KIAA1328: variants seen among roughly 807,000 people sequenced by gnomAD.
The protein encoded by KIAA1328 is protein hinderin.
In KIAA1328, 52 loss-of-function variants were observed where a neutral mutation model predicts 68.1. That is an observed-to-expected ratio of 0.76 (90% CI 0.61 to 0.96). The LOEUF is 0.96. KIAA1328 is among the 40% of genes least tolerant of loss of function. KIAA1328 has a pLI of 0.00. For missense variants in KIAA1328, 641 were observed against 677.6 expected, an observed-to-expected ratio of 0.95 and a Z score of 0.60; for synonymous variants, 232 against 239.4, an observed-to-expected ratio of 0.97 and a Z score of 0.28.
intron 3 of KIAA1328, among the ~76,000 whole-genome samples, chr18:36,843,130 TA>T (rs2046913297): frequency 1.3e-5 from 2 of 152,200 alleles, no homozygotes; most frequent in African/African-American, 4.8e-5. Flanking sequence ...CACTGACTTT[TA>T]AATCTTTATG....
intron 8 of KIAA1328, among the ~76,000 whole-genome samples, chr18:37,171,302 C>T (rs1398849139): frequency 6.6e-6 from 1 of 152,110 alleles, no homozygotes; most frequent in East Asian, 1.9e-4. Context: ...GCCTCAACCT[C>T]CTGGGCTCAA....
At chr18:37,130,670 T>C (rs2058501218) in intron 7 of KIAA1328, among the ~76,000 whole-genome samples, 1 of 152,046 alleles carries the variant, frequency 6.6e-6, no homozygotes. Flanking sequence ...TTTTACAAGG[T>C]TTCTGAACTG....
intron 1 of KIAA1328, among the ~76,000 whole-genome samples, chr18:36,830,518 A>T (rs1226448337): frequency 2.6e-5 from 4 of 152,142 alleles, no homozygotes. Flanking sequence ...GATGGAGGAG[A>T]TACTTGAAGG....
At chr18:37,051,971 G>C (rs1440503040) in intron 6 of KIAA1328, among the ~76,000 whole-genome samples, 26 of 151,958 alleles carry the variant, frequency 1.7e-4, no homozygotes, top group Admixed American at 1.7e-3. Context: ...GAAACTAGGA[G>C]GTGGAGGTTG....
At chr18:37,016,820 T>A (rs1392065271) in intron 6 of KIAA1328, among the ~76,000 whole-genome samples, 1 of 152,172 alleles carries the variant, frequency 6.6e-6, no homozygotes, top group Non-Finnish European at 1.5e-5. Flanking sequence ...ATGTCACCTT[T>A]GTTGGTTCTG....
intron 7 of KIAA1328, among the ~76,000 whole-genome samples, chr18:37,156,310 C>T (rs1433640184): frequency 2.6e-5 from 4 of 151,506 alleles, no homozygotes; most frequent in Non-Finnish European, 5.9e-5. Flanking sequence ...CCTGTAATCC[C>T]AGCTACTCGG....
chr18:37,133,550 G>T (rs2058573940), intron 7 of KIAA1328, among the ~76,000 whole-genome samples: 1 of 147,338 alleles, frequency 6.8e-6, no homozygotes, highest in Non-Finnish European at 1.5e-5. Flanking sequence ...TTTTGAGACG[G>T]AGTCTCGCTC....
intron 9 of KIAA1328, among the ~76,000 whole-genome samples, chr18:37,180,522 TAGAA>T (rs1599526763): frequency 6.6e-6 from 1 of 152,172 alleles, no homozygotes; most frequent in Non-Finnish European, 1.5e-5. Context: ...TATAACTTGA[TAGAA>T]AGAAACTTAG....
intron 9 of KIAA1328, among the ~76,000 whole-genome samples, chr18:37,217,308 G>A (rs2060463628): frequency 6.6e-6 from 1 of 152,126 alleles, no homozygotes; most frequent in African/African-American, 2.4e-5. Flanking sequence ...GCTGGTACCG[G>A]TTGTTCCTTT....
chr18:37,044,599 C>T (rs554039719), intron 6 of KIAA1328, among the ~76,000 whole-genome samples: 1 of 151,958 alleles, frequency 6.6e-6, no homozygotes, highest in South Asian at 2.1e-4. Context: ...AGTTCAAGAC[C>T]AGCCTGGCCA....
Position 37,087,139 on chromosome 18 carries a change from A to G in KIAA1328, c.1232+19594A>G, listed in dbSNP as rs551946238. Among the ~76,000 whole-genome samples the G allele has an allele frequency of 7.9e-5, 12 of 152,190 alleles. No individual in the cohort carries two copies. The South Asian group carries it at 1.9e-3, about 24-fold the overall frequency. On this transcript the variant is annotated intron_variant, in intron 7 of 9. Transcript: ENST00000280020. ...CAGCGGCACAATCACAGCTCATTGCATTCTTGATCTCCTGGGCTCAGTGAT... is the reference window on the plus strand; with the variant it reads ...CAGCGGCACAATCACAGCTCATTGCGTTCTTGATCTCCTGGGCTCAGTGAT...
chr18:36,841,645 A>G (rs943073323), intron 3 of KIAA1328, among the ~76,000 whole-genome samples: 19 of 152,144 alleles, frequency 1.2e-4, no homozygotes, highest in African/African-American at 3.9e-4. Context: ...GCAGGCTGTA[A>G]CATCTGTCTC....
chr18:37,083,337 G>A (rs1370872537), intron 7 of KIAA1328, among the ~76,000 whole-genome samples: 2 of 152,170 alleles, frequency 1.3e-5, no homozygotes, highest in Non-Finnish European at 2.9e-5. Context: ...CAACCAGTTA[G>A]TTGGAATTAT....
At chr18:36,912,346 CA>C (rs1244869866) in intron 5 of KIAA1328, among the ~76,000 whole-genome samples, 7 of 152,134 alleles carry the variant, frequency 4.6e-5, no homozygotes, top group African/African-American at 1.7e-4. Flanking sequence ...TCAGGCTGCC[CA>C]TATTCCTTGG....
intron 5 of KIAA1328, among the ~76,000 whole-genome samples, chr18:36,949,604 C>CCA (rs2051067572): frequency 1.1e-5 from 1 of 94,688 alleles, no homozygotes; most frequent in Non-Finnish European, 2.0e-5. Context: ...AGCTCCCCCC[C>CCA]CCCCACCCCC....
intron 9 of KIAA1328, among the ~76,000 whole-genome samples, chr18:37,178,220 TC>T (rs2059631499): frequency 6.6e-6 from 1 of 152,092 alleles, no homozygotes; most frequent in African/African-American, 2.4e-5. Context: ...CTCCCACTCT[TC>T]CTAGCCTCTA....
rs560812101 is a variant in KIAA1328 at position 36,979,812 on chromosome 18, A to G, written c.576+20377A>G. On this transcript the variant is annotated intron_variant, in intron 6 of 9. Transcript: ENST00000280020. Reference sequence around the variant, plus strand: ...ACTTTACTCAAAGAAAGGAGAAGAGACTCAGCAAGATCACTGTCTATAGTG... The same window carrying G: ...ACTTTACTCAAAGAAAGGAGAAGAGGCTCAGCAAGATCACTGTCTATAGTG... 1.8e-4 allele frequency among the ~76,000 whole-genome samples: 28 copies of G among 152,208 alleles called. No individual in the cohort carries two copies. The South Asian group carries it at 5.8e-3, about 32-fold the overall frequency.
intron 4 of KIAA1328, among the ~76,000 whole-genome samples, chr18:36,880,481 TTTC>T (rs2048294253): frequency 2.0e-5 from 3 of 152,300 alleles, no homozygotes; most frequent in African/African-American, 7.2e-5. Flanking sequence ...TGCCTGGAGA[TTTC>T]TTAATATTTT....
intron 6 of KIAA1328, among the ~76,000 whole-genome samples, chr18:36,994,995 T>C (rs1388819467): frequency 1.3e-5 from 2 of 152,096 alleles, no homozygotes; most frequent in African/African-American, 2.4e-5. Context: ...CTGGGGTACA[T>C]GTGCAGAATG....
Sources: gnomAD v4.1 joint callset for allele counts (sites outside exome capture counted in the v4.1 genomes callset) on GRCh38, gnomAD v4.1.1 for gene constraint, MANE v1.5 for transcripts, NCBI Gene and HGNC (gene_info 2026-07-23, HGNC 2026-07-21) for gene names.